Variants in JADE3 observed in about 807,000 individuals in gnomAD.
JADE3 encodes protein Jade-3.
In JADE3, 2 loss-of-function variants were observed where a neutral mutation model predicts 50.1. The ratio of observed to expected loss-of-function variants is 0.04; its 90% CI spans 0.02 to 0.13. JADE3 has a LOEUF of 0.13. JADE3 is among the 10% of genes least tolerant of loss of function. The pLI is 1.00. For synonymous variants in JADE3, 218 were observed against 232.9 expected (o/e 0.94, Z 0.58); for missense variants, 475 against 634.4 (o/e 0.75, Z 2.70).
intron 1 of JADE3, among the ~76,000 whole-genome samples, chrX:46,972,651 G>A (rs1927524847): frequency 8.9e-6 from 1 of 111,934 alleles, no homozygotes; most frequent in Non-Finnish European, 1.9e-5. Context: ...CCAGGCTGGA[G>A]TGCAGTGGCA....
At chrX:46,937,795 A>G (rs917348408) in intron 1 of JADE3, among the ~76,000 whole-genome samples, 1 of 111,296 alleles carries the variant, frequency 9.0e-6, no homozygotes, top group African/African-American at 3.3e-5. Flanking sequence ...AGCCTGACCA[A>G]CATGGTGAAA....
intron 1 of JADE3, among the ~76,000 whole-genome samples, chrX:46,959,070 A>G (rs1323115062): frequency 8.9e-6 from 1 of 112,232 alleles, no homozygotes; most frequent in Non-Finnish European, 1.9e-5. Context: ...CTATTTTTCT[A>G]TAAGGATTCT....
intron 1 of JADE3, among the ~76,000 whole-genome samples, chrX:46,962,000 T>C (rs184726301): frequency 8.9e-6 from 1 of 112,297 alleles, no homozygotes; most frequent in Non-Finnish European, 1.9e-5. Context: ...GTTTGTATAT[T>C]GGCCAATCCC....
Position 47,058,526 on chromosome X carries a change from G to A in JADE3, c.1921G>A (p.Val641Ile), listed in dbSNP as rs1556373976. The change falls in exon 11 of 11, where the codon GTC (valine) becomes ATC (isoleucine). Residue 641 changes from valine (V) to isoleucine (I), a missense_variant. Val to Ile is a conservative substitution (Grantham distance 29). Around this residue, in one of 6 missense-constraint regions of JADE3, gnomAD observed 243 missense variants for 238.2 expected, o/e 1.02. Coordinates refer to ENST00000614628, the MANE Select transcript of JADE3 (RefSeq NM_014735.5). ...TGGGCAGTCACTGGGAAAGCCTCTGGTCCTTCAGGCTGCCCTCCATGGACA... is the reference window on the plus strand; with the variant it reads ...TGGGCAGTCACTGGGAAAGCCTCTGATCCTTCAGGCTGCCCTCCATGGACA... ...YHGQSLGKPL[V>I]LQAALHGQSS... The A allele has an allele frequency of 8.3e-7, 1 of 1,209,767 alleles. No homozygotes were observed. The highest frequency in any genetic ancestry group is 1.7e-5 in the African/African-American group (1 of 57,167).
At chrX:46,928,766 T>G (rs1306755687) in intron 1 of JADE3, among the ~76,000 whole-genome samples, 2 of 107,541 alleles carry the variant, frequency 1.9e-5, no homozygotes, top group African/African-American at 3.3e-5. Flanking sequence ...TGGTGGGTTT[T>G]GTTTTGTTTT....
At position 47,059,219 on chromosome X, in the gene JADE3, T is replaced by G. The variant is rs950345502; in HGVS notation, c.*142T>G. The stretch of plus-strand genomic sequence containing the variant: ...TTTTCCATAGTAAATTGTCTTGCAG[T>G]TTTTGAAAATGTTTCAAGTCTAGTT... On this transcript the variant is annotated 3_prime_UTR_variant, in exon 11 of 11. Coordinates refer to ENST00000614628, the MANE Select transcript of JADE3 (RefSeq NM_014735.5). The G allele has an allele frequency of 2.8e-5, 13 of 469,728 alleles. No individual in the cohort carries two copies. The highest frequency in any genetic ancestry group is 4.4e-5 in the Non-Finnish European group (13 of 296,753). The allele number at this position is 469,728 out of a possible 1,213,427, so 38.7% of individuals were successfully genotyped here.
chrX:47,056,434 A>G (rs1929633957), intron 10 of JADE3, among the ~76,000 whole-genome samples: 1 of 111,684 alleles, frequency 9.0e-6, no homozygotes, highest in African/African-American at 3.3e-5. Flanking sequence ...CAGGTAATCT[A>G]GGTCCCAAAC....
At chrX:46,975,939 C>T (rs368898366) in intron 1 of JADE3, among the ~76,000 whole-genome samples, 13 of 109,012 alleles carry the variant, frequency 1.2e-4, no homozygotes, top group Admixed American at 4.0e-4. Context: ...AGGCTGGTCT[C>T]GAAGTTATCT....
chrX:47,039,655 G>A (rs1929214717), intron 8 of JADE3, among the ~76,000 whole-genome samples: 1 of 111,323 alleles, frequency 9.0e-6, no homozygotes, highest in Non-Finnish European at 1.9e-5. Context: ...GAGAACATGT[G>A]GTATTTGGTT....
chrX:47,007,792 G>C (rs1371416592), intron 4 of JADE3, among the ~76,000 whole-genome samples: 1 of 99,215 alleles, frequency 1.0e-5, no homozygotes, highest in Non-Finnish European at 2.0e-5. Context: ...TAGGACTTCA[G>C]CGTGTCCTTT....
intron 3 of JADE3, among the ~76,000 whole-genome samples, chrX:46,994,676 T>A (rs1928086028): frequency 8.9e-6 from 1 of 112,162 alleles, no homozygotes; most frequent in South Asian, 3.7e-4. Context: ...ATGCACATTT[T>A]AACTGAGCTG....
At chrX:47,016,009 G>T (rs1005809743) in intron 4 of JADE3, among the ~76,000 whole-genome samples, 5 of 111,179 alleles carry the variant, frequency 4.5e-5, no homozygotes, top group Non-Finnish European at 7.5e-5. Context: ...TTTTATGAAT[G>T]GCGCTTTTAT....
intron 3 of JADE3, among the ~76,000 whole-genome samples, chrX:46,990,674 A>C (rs1556355700): frequency 3.6e-5 from 4 of 111,166 alleles, no homozygotes; most frequent in African/African-American, 9.8e-5. Context: ...TCTTTTAAAA[A>C]CCATTTTTAA....
At position 46,985,361 on chromosome X, in the gene JADE3, T is replaced by A. The variant is rs186819438; in HGVS notation, c.47-352T>A. On this transcript the variant is annotated intron_variant, in intron 2 of 10. Coordinates refer to ENST00000614628, the MANE Select transcript of JADE3 (RefSeq NM_014735.5). ...GGGGAAGTGCTGAAGGATACACAGA[T>A]TACTTGCTCCACATTTGTAGTTTTT... 2.7e-4 allele frequency among the ~76,000 whole-genome samples: 30 copies of A among 112,456 alleles called. No individual in the cohort carries two copies. In the East Asian group the frequency reaches 7.0e-3, roughly 26 times the overall value.
chrX:46,984,506 C>T (rs1244945510), intron 1 of JADE3, among the ~76,000 whole-genome samples: 3 of 18,774 alleles, frequency 1.6e-4, no homozygotes, highest in Non-Finnish European at 2.9e-4. Flanking sequence ...ATGGCCCTGC[C>T]CTCATGACTG....
intron 3 of JADE3, among the ~76,000 whole-genome samples, chrX:46,995,029 ATT>A (rs782296166): frequency 9.4e-5 from 9 of 96,240 alleles, no homozygotes; most frequent in Admixed American, 1.1e-4. Context: ...TTCCTTTAAG[ATT>A]TTTTTTTTTT....
At chrX:46,963,027 C>CG (rs781974542) in intron 1 of JADE3, among the ~76,000 whole-genome samples, 2 of 110,816 alleles carry the variant, frequency 1.8e-5, no homozygotes, top group South Asian at 3.9e-4. Flanking sequence ...TTAGTAGAGA[C>CG]GGGGTTTCAC....
chrX:46,921,717 C>T (rs1343096324), intron 1 of JADE3, among the ~76,000 whole-genome samples: 1 of 111,310 alleles, frequency 9.0e-6, no homozygotes, highest in Non-Finnish European at 1.9e-5. Context: ...AGTCTTTCTG[C>T]TTAAAGAATC....
At chrX:46,999,920 G>A (rs1488641008) in intron 4 of JADE3, among the ~76,000 whole-genome samples, 1 of 111,272 alleles carries the variant, frequency 9.0e-6, no homozygotes, top group Non-Finnish European at 1.9e-5. Flanking sequence ...GGGACCTACT[G>A]GTTACTGTGA....
Sources: allele counts gnomAD v4.1 joint callset (sites outside exome capture counted in the v4.1 genomes callset), GRCh38; gene constraint gnomAD v4.1.1; regional missense constraint gnomAD v4.1.1; transcripts MANE v1.5; gene names NCBI Gene and HGNC (gene_info 2026-07-23, HGNC 2026-07-21).